The following PIK3R3 variants were observed in gnomAD, a reference collection of about 807,000 sequenced individuals.
PIK3R3 encodes phosphatidylinositol 3-kinase regulatory subunit gamma.
A neutral mutation model predicts 62.9 loss-of-function variants in PIK3R3; 64 were observed. The ratio of observed to expected loss-of-function variants is 1.02; its 90% confidence interval spans 0.83 to 1.25. The LOEUF is 1.25. Ranked by LOEUF, PIK3R3 falls within the 50% of genes most tolerant of loss-of-function variation. The probability of loss-of-function intolerance (pLI) is 0.00; values close to 1 mark genes in which losing one functional copy is unlikely to be tolerated. For missense variants in PIK3R3, 614 were observed against 561.6 expected (o/e 1.09, Z -0.94); for synonymous variants, 165 against 189.0 (o/e 0.87, Z 1.04).
rs1649080668 is a variant in PIK3R3 at position 46,067,157 on chromosome 1, T to C, written c.315-66A>G. On this transcript the variant is annotated intron_variant, in intron 3 of 9. Transcript: ENST00000262741. The stretch of plus-strand genomic sequence containing the variant: ...AAATTCAACTGAACTACTGCTTTCA[T>C]ATGGAGACGTGAAAGCTTGGTGTCA... 2.5e-6 allele frequency: 3 copies of C among 1,216,134 alleles called. No individual in the cohort carries two copies. The African/African-American group carries it at 4.7e-5, about 19-fold the overall frequency. The allele number at this position is 1,216,134 out of a possible 1,614,324, so 75.3% of individuals were successfully genotyped here. A position where few individuals can be genotyped will look rare whatever the true frequency, so the allele number is the denominator to read the frequency against.
chr1:46,135,670 C>G (rs1000514726), upstream of PIK3R3, among the ~76,000 whole-genome samples: 2 of 152,142 alleles, frequency 1.3e-5, no homozygotes, highest in Non-Finnish European at 2.9e-5. Flanking sequence ...CAGAATCAGT[C>G]TGGAACTCAG....
At chr1:46,110,366 C>G in intron 1 of PIK3R3, among the ~76,000 whole-genome samples, 1 of 151,370 alleles carries the variant, frequency 6.6e-6, no homozygotes. Flanking sequence ...AAGTTATGCA[C>G]CCACCTTTGC....
chr1:46,095,080 C>G (rs941132582), intron 1 of PIK3R3, among the ~76,000 whole-genome samples: 8 of 152,132 alleles, frequency 5.3e-5, no homozygotes, highest in African/African-American at 1.9e-4. Context: ...GGCGATTCCT[C>G]AAAGACCTAA....
chr1:46,118,872 T>C lies in PIK3R3; in HGVS notation c.106+12975A>G, dbSNP rs535477909. Among the ~76,000 whole-genome samples the C allele has an allele frequency of 7.5e-4, 114 of 152,046 alleles. No homozygotes were observed. In the South Asian group the frequency reaches 0.023, roughly 31 times the overall value. On this transcript the variant is annotated intron_variant, in intron 1 of 9. Coordinates refer to ENST00000262741, the MANE Select transcript of PIK3R3 (RefSeq NM_003629.4). ...CGCCCAGCCACTTGTCTTTTTTTAC[T>C]ACTTTCCCCTCATTCCATTCTAGCC...
At chr1:46,149,808 G>T in the PIK3R3 span, among the ~76,000 whole-genome samples, 1 of 152,164 alleles carries the variant, frequency 6.6e-6, no homozygotes, top group Non-Finnish European at 1.5e-5. Context: ...TGGGATTACA[G>T]GCCTAAGCCT....
At chr1:46,087,402 G>A (rs983108180) in intron 1 of PIK3R3, among the ~76,000 whole-genome samples, 1 of 151,562 alleles carries the variant, frequency 6.6e-6, no homozygotes, top group South Asian at 2.1e-4. Flanking sequence ...TATTGAAAAC[G>A]GCATAACTAA....
the PIK3R3 span, among the ~76,000 whole-genome samples, chr1:46,172,976 G>C: frequency 3.3e-5 from 5 of 151,924 alleles, no homozygotes; most frequent in Non-Finnish European, 7.4e-5. Flanking sequence ...CTGGGCAACA[G>C]AGCCAGGCGC....
intron 1 of PIK3R3, among the ~76,000 whole-genome samples, chr1:46,110,458 A>G (rs1653642240): frequency 1.3e-5 from 2 of 151,496 alleles, no homozygotes; most frequent in African/African-American, 4.8e-5. Flanking sequence ...TTTTTTTTTA[A>G]GACTCAAATT....
rs191111962 is a variant in PIK3R3 at position 46,078,275 on chromosome 1, C to T, written c.216-662G>A. Among the ~76,000 whole-genome samples, 293 of 152,306 alleles carry T rather than the reference C, an allele frequency of 1.9e-3. 1 individual carries two copies. The highest frequency in any genetic ancestry group is 6.8e-3 in the African/African-American group (283 of 41,566). On this transcript the variant is annotated intron_variant, in intron 2 of 9. Coordinates refer to ENST00000262741, the MANE Select transcript of PIK3R3 (RefSeq NM_003629.4). ...TAAAATGGCTGGGTGCAGTGGCTCACGCCTATAATCCCAGCACTTTAGGAG... is the reference window on the plus strand; with the variant it reads ...TAAAATGGCTGGGTGCAGTGGCTCATGCCTATAATCCCAGCACTTTAGGAG...
chr1:46,060,937 C>T (rs1431528107), intron 6 of PIK3R3, among the ~76,000 whole-genome samples: 2 of 152,314 alleles, frequency 1.3e-5, no homozygotes, highest in African/African-American at 4.8e-5. Flanking sequence ...TCTTCCAATA[C>T]TCCACTAAAT....
At chr1:46,050,779 T>G (rs924609851) in intron 7 of PIK3R3, among the ~76,000 whole-genome samples, 3 of 152,084 alleles carry the variant, frequency 2.0e-5, no homozygotes, top group African/African-American at 7.2e-5. Flanking sequence ...ATTACTGAAA[T>G]AGCCAAAAAG....
the PIK3R3 span, among the ~76,000 whole-genome samples, chr1:46,155,989 C>A: frequency 6.6e-6 from 1 of 152,104 alleles, no homozygotes; most frequent in Non-Finnish European, 1.5e-5. Flanking sequence ...TACTATCTGG[C>A]TCTTTACAGT....
At chr1:46,089,810 T>C (rs1002064532) in intron 1 of PIK3R3, among the ~76,000 whole-genome samples, 4 of 151,920 alleles carry the variant, frequency 2.6e-5, no homozygotes, top group Non-Finnish European at 4.4e-5. Context: ...TGGAAGATAA[T>C]TTAAGAAAGT....
intron 1 of PIK3R3, among the ~76,000 whole-genome samples, chr1:46,086,998 G>A (rs992537595): frequency 1.3e-5 from 2 of 152,022 alleles, no homozygotes; most frequent in Admixed American, 1.3e-4. Context: ...CCATCATTCT[G>A]AGCGAACTAT....
intron 1 of PIK3R3, among the ~76,000 whole-genome samples, chr1:46,126,059 C>A (rs928321562): frequency 6.6e-6 from 1 of 152,054 alleles, no homozygotes; most frequent in Non-Finnish European, 1.5e-5. Flanking sequence ...CGCGCTTTGC[C>A]GCAATCTAGA....
chr1:46,142,855 G>A, the PIK3R3 span, among the ~76,000 whole-genome samples: 1 of 152,182 alleles, frequency 6.6e-6, no homozygotes, highest in Non-Finnish European at 1.5e-5. Context: ...AGCAATGGGG[G>A]GAGTTTAGGA....
At chr1:46,129,517 G>A (rs1423801540) in intron 1 of PIK3R3, among the ~76,000 whole-genome samples, 1 of 151,976 alleles carries the variant, frequency 6.6e-6, no homozygotes, top group Non-Finnish European at 1.5e-5. Flanking sequence ...TAAATCATCA[G>A]ATGATACTCT....
At chr1:46,129,501 G>C (rs574670174) in intron 1 of PIK3R3, among the ~76,000 whole-genome samples, 56 of 152,018 alleles carry the variant, frequency 3.7e-4, no homozygotes, top group Admixed American at 3.2e-3. Context: ...ATTTATCATT[G>C]TAAGATAAAT....
At chr1:46,098,492 G>A (rs1020220187) in intron 1 of PIK3R3, among the ~76,000 whole-genome samples, 9 of 152,104 alleles carry the variant, frequency 5.9e-5, no homozygotes, top group Admixed American at 5.2e-4. Context: ...TCCACAGAGT[G>A]GAATATTGTT....
Sources: gnomAD v4.1 joint callset for allele counts (sites outside exome capture counted in the v4.1 genomes callset) on GRCh38, gnomAD v4.1.1 for gene constraint, MANE v1.5 for transcripts, NCBI Gene and HGNC (gene_info 2026-07-23, HGNC 2026-07-21) for gene names.